Variants in RTN4 observed in about 807,000 individuals in gnomAD.
RTN4 encodes the protein reticulon 4, also known as reticulon-4.
RTN4 carries 32 observed loss-of-function variants against 90.4 expected under a neutral mutation model. The ratio of observed to expected loss-of-function variants is 0.35; its 90% CI spans 0.27 to 0.48. The LOEUF is 0.48. Ranked by LOEUF, RTN4 falls within the 20% of genes least tolerant of loss-of-function variation. The probability of loss-of-function intolerance (pLI) is 0.99; values close to 1 mark genes in which losing one functional copy is unlikely to be tolerated. For missense variants in RTN4, 1,706 were observed against 1,430.2 expected (o/e 1.19, Z -3.11); for synonymous variants, 629 against 552.5 (o/e 1.14, Z -1.94).
At chr2:55,077,012 C>CT (rs35498029) in intron 2 of RTN4, among the ~76,000 whole-genome samples, 65 of 137,530 alleles carry the variant, frequency 4.7e-4, no homozygotes, top group Non-Finnish European at 8.5e-4. Context: ...TCAGGCAGTT[C>CT]TTTTTTTTTT....
chr2:55,108,223 G>A (rs1400209631), intron 1 of RTN4, among the ~76,000 whole-genome samples: 1 of 152,164 alleles, frequency 6.6e-6, no homozygotes, highest in African/African-American at 2.4e-5. Flanking sequence ...CCAAAGTGCT[G>A]TGATTACAGG....
chr2:54,988,657 C>T (rs768533004), intron 3 of RTN4, among the ~76,000 whole-genome samples: 2 of 152,078 alleles, frequency 1.3e-5, no homozygotes, highest in African/African-American at 2.4e-5. Context: ...CTTTCGATTA[C>T]CTGAAAAGCT....
rs1667968422 is a variant in RTN4 at position 55,049,465 on chromosome 2, A to G, written c.556+280T>C. The G allele has an allele frequency of 2.5e-5, 12 of 478,492 alleles. 1 individual carries two copies. The highest frequency in any genetic ancestry group is 3.1e-4 in the Middle Eastern group (1 of 3,246). 29.6% of individuals were successfully genotyped at this position (478,492 alleles called of 1,614,324 possible). ...ACTACGGGTGGGTGCCTAACTTCCG[A>G]GAATCCGTACGCTGGGCATCACACA... On this transcript the variant is annotated intron_variant, in intron 1 of 8. Coordinates refer to ENST00000337526, the MANE Select transcript of RTN4 (RefSeq NM_020532.5).
intron 3 of RTN4, among the ~76,000 whole-genome samples, chr2:54,988,306 G>A (rs1678734936): frequency 6.6e-6 from 1 of 152,130 alleles, no homozygotes; most frequent in African/African-American, 2.4e-5. Flanking sequence ...GACAGAGCAG[G>A]ACTCTGTCTC....
At chr2:55,072,145 A>C (rs1474620031) in intron 2 of RTN4, among the ~76,000 whole-genome samples, 2 of 73,382 alleles carry the variant, frequency 2.7e-5, no homozygotes, top group African/African-American at 4.7e-5. Context: ...GATTGTTTTT[A>C]GTTATTTTTT....
In RTN4 at chr2:55,026,291, G is replaced by C; in HGVS notation, c.1808C>G (p.Ser603Ter). 6.2e-7 allele frequency: 1 copy of C among 1,613,982 alleles called. No individual in the cohort carries two copies. The highest frequency in any genetic ancestry group is 8.5e-7 in the Non-Finnish European group (1 of 1,179,902). ...AAQLCPSFEE[S>*]EATPSPVLPD... ...CAAAACTGGTGAAGGAGTAGCTTCT[G>C]ACTCTTCAAATGATGGGCAAAGCTG... The change falls in exon 3 of 9, where the codon TCA (serine) becomes TGA (stop). Residue 603 changes from serine (S) to a stop codon, truncating the protein, a stop_gained. Transcript: ENST00000337526. LOFTEE classifies it high-confidence loss of function.
chr2:55,006,827 C>A (rs1054154844), intron 3 of RTN4, among the ~76,000 whole-genome samples: 1 of 152,066 alleles, frequency 6.6e-6, no homozygotes, highest in Non-Finnish European at 1.5e-5. Flanking sequence ...GTTACACTAT[C>A]CTGCTTCTTT....
At chr2:55,120,774 G>A in the RTN4 span, among the ~76,000 whole-genome samples, 59 of 152,206 alleles carry the variant, frequency 3.9e-4, no homozygotes, top group East Asian at 0.011. Flanking sequence ...CTGTGTGGGA[G>A]GCGACTGTCA....
At chr2:55,084,480 A>T (rs1003378140) in intron 1 of RTN4, among the ~76,000 whole-genome samples, 17 of 152,086 alleles carry the variant, frequency 1.1e-4, no homozygotes, top group African/African-American at 4.1e-4. Flanking sequence ...AAACAAAAGT[A>T]AAGAGTTCTC....
At chr2:55,080,298 G>A (rs555514036) in intron 2 of RTN4, among the ~76,000 whole-genome samples, 8 of 152,248 alleles carry the variant, frequency 5.3e-5, no homozygotes, top group Non-Finnish European at 8.8e-5. Flanking sequence ...GATTACAGGT[G>A]TGAACCAATA....
intron 3 of RTN4, among the ~76,000 whole-genome samples, chr2:55,014,075 T>C (rs1248212534): frequency 1.3e-5 from 2 of 152,200 alleles, no homozygotes; most frequent in African/African-American, 4.8e-5. Context: ...AATTAACATG[T>C]TTCAATACTG....
chr2:55,068,306 A>C (rs2105013068), intron 2 of RTN4, among the ~76,000 whole-genome samples: 1 of 152,306 alleles, frequency 6.6e-6, no homozygotes, highest in Non-Finnish European at 1.5e-5. Flanking sequence ...TCACCCATGC[A>C]TCATCTAGTA....
At chr2:55,061,090 G>C in intron 2 of RTN4, among the ~76,000 whole-genome samples, 1 of 127,996 alleles carries the variant, frequency 7.8e-6, no homozygotes, top group South Asian at 2.3e-4. Flanking sequence ...TTTTGAGATA[G>C]AGTCTCACTC....
the RTN4 span, among the ~76,000 whole-genome samples, chr2:55,128,951 AC>A: frequency 6.6e-6 from 1 of 151,912 alleles, no homozygotes; most frequent in Non-Finnish European, 1.5e-5. Context: ...TAATAAAAAT[AC>A]AAAAAATTAG....
chr2:54,977,840 A>C (rs1443304735), intron 5 of RTN4, among the ~76,000 whole-genome samples: 2 of 152,252 alleles, frequency 1.3e-5, no homozygotes, highest in Non-Finnish European at 2.9e-5. Context: ...AACAAACGGA[A>C]TATTACACAA....
upstream of RTN4, among the ~76,000 whole-genome samples, chr2:55,053,457 C>T (rs1334662047): frequency 3.3e-5 from 5 of 152,056 alleles, no homozygotes; most frequent in African/African-American, 9.7e-5. Flanking sequence ...GTGGCTGAGG[C>T]GGGTAGATCT....
At chr2:55,083,622 C>A (rs1668776223) in intron 1 of RTN4, among the ~76,000 whole-genome samples, 1 of 152,186 alleles carries the variant, frequency 6.6e-6, no homozygotes, top group Non-Finnish European at 1.5e-5. Context: ...ACCTCCTGCA[C>A]TTTCACTTAA....
intron 3 of RTN4, among the ~76,000 whole-genome samples, chr2:55,020,363 T>C (rs77979806): frequency 0.026 from 3,877 of 150,992 alleles, 78 homozygotes; most frequent in South Asian, 0.037. Flanking sequence ...CACAGACCAA[T>C]GGAACAGAAC....
At chr2:55,049,499 G>A in intron 1 of RTN4, 1 of 591,082 alleles carries the variant, frequency 1.7e-6, no homozygotes, top group Non-Finnish European at 3.0e-6. Context: ...CAGGGTGAAA[G>A]TGGGAGCCGG....
Sources: gnomAD v4.1 joint callset for allele counts (sites outside exome capture counted in the v4.1 genomes callset) on GRCh38, gnomAD v4.1.1 for gene constraint, MANE v1.5 for transcripts, NCBI Gene and HGNC (gene_info 2026-07-23, HGNC 2026-07-21) for gene names.